Variants in STPG2 observed in about 807,000 individuals in gnomAD.
STPG2 encodes the protein sperm-tail PG-rich repeat-containing protein 2.
Under a neutral mutation model 54.2 loss-of-function variants are expected in STPG2, and 56 were observed. That is an observed-to-expected ratio of 1.03 (90% CI 0.83 to 1.29). The LOEUF (loss-of-function observed/expected upper bound fraction) is 1.29, where lower values mean the gene tolerates loss of function less well. Among genes scored for constraint, STPG2 ranks in the 50% most tolerant of loss-of-function variants. The probability of loss-of-function intolerance (pLI) is 0.00; values close to 1 mark genes in which losing one functional copy is unlikely to be tolerated. For missense variants in STPG2, 596 were observed against 544.9 expected (o/e 1.09, Z -0.93); for synonymous variants, 200 against 181.8 (o/e 1.10, Z -0.81).
intron 4 of STPG2, among the ~76,000 whole-genome samples, chr4:97,534,533 T>A (rs912191957): frequency 6.6e-6 from 1 of 151,518 alleles, no homozygotes; most frequent in East Asian, 1.9e-4. Flanking sequence ...TTGAAAAGAC[T>A]TTTTTTTTCC....
intron 9 of STPG2, among the ~76,000 whole-genome samples, chr4:97,819,166 C>T (rs1728008068): frequency 6.6e-6 from 1 of 151,664 alleles, no homozygotes; most frequent in Admixed American, 6.6e-5. Context: ...ATTTTATCAC[C>T]TCAGAAGCAT....
At chr4:97,577,222 T>C (rs1415156063) in intron 10 of STPG2, among the ~76,000 whole-genome samples, 1 of 152,192 alleles carries the variant, frequency 6.6e-6, no homozygotes. Flanking sequence ...CCATTCAACC[T>C]AGCAGTCCCA....
At position 98,105,985 on chromosome 4, in the gene STPG2, A is replaced by G; in HGVS notation, c.580T>C (p.Tyr194His). The change falls in exon 5 of 11, where the codon TAT becomes CAT. Residue 194 changes from tyrosine to histidine, a missense_variant. Physicochemically the swap from Tyr to His is moderately conservative, Grantham distance 83. Transcript: ENST00000295268. ...QNYCSFIPRL[Y>H]EIIVLQEKKK... The stretch of plus-strand genomic sequence containing the variant: ...TTCTCCTGCAATACTATTATTTCAT[A>G]TAGTCGTGGGATAAATGAACAATAA... The G allele has an allele frequency of 1.3e-6, 2 of 1,567,974 alleles. No individual in the cohort carries two copies. The highest frequency in any genetic ancestry group is 1.1e-5 in the South Asian group (1 of 89,594).
chr4:97,704,985 G>T (rs1294088027), intron 10 of STPG2, among the ~76,000 whole-genome samples: 2 of 151,674 alleles, frequency 1.3e-5, no homozygotes, highest in African/African-American at 2.4e-5. Context: ...TAAAACACTG[G>T]GTGTTGCTTG....
intron 8 of STPG2, among the ~76,000 whole-genome samples, chr4:97,934,391 T>C (rs995064862): frequency 2.0e-5 from 3 of 152,170 alleles, no homozygotes; most frequent in Admixed American, 6.5e-5. Context: ...GAACTTCAAA[T>C]ACTATGTTGA....
chr4:97,727,248 T>C lies in STPG2; in HGVS notation c.1205-14434A>G, dbSNP rs193270993. 2.0e-3 allele frequency among the ~76,000 whole-genome samples: 300 copies of C among 152,064 alleles called. 1 individual carries two copies. The highest frequency in any genetic ancestry group is 6.9e-3 in the African/African-American group (287 of 41,576). On this transcript the variant is annotated intron_variant, in intron 9 of 10. Transcript: ENST00000295268. ...TTTATAAATTAATAATGTGTCTATC[T>C]CATGATTCCATATTAGTTTTATATT...
intron 7 of STPG2, among the ~76,000 whole-genome samples, chr4:97,962,585 T>C (rs1733929223): frequency 6.6e-6 from 1 of 152,194 alleles, no homozygotes; most frequent in South Asian, 2.1e-4. Flanking sequence ...TGAGTCTTAG[T>C]TACACCTGTA....
intron 6 of STPG2, among the ~76,000 whole-genome samples, chr4:97,978,507 C>T (rs1734567784): frequency 6.6e-6 from 1 of 151,968 alleles, no homozygotes; most frequent in South Asian, 2.1e-4. Context: ...TGGGGCCTAC[C>T]AGTGGTGGAG....
At chr4:97,927,824 T>C (rs1208333693) in intron 8 of STPG2, among the ~76,000 whole-genome samples, 2 of 152,118 alleles carry the variant, frequency 1.3e-5, no homozygotes, top group Non-Finnish European at 2.9e-5. Flanking sequence ...TGAGTTAATA[T>C]GCATTTGGAA....
In STPG2 at chr4:98,032,580, G is replaced by A. The variant is rs553729381; in HGVS notation, c.613-51262C>T. Among the ~76,000 whole-genome samples, 28 of 152,144 alleles carry A rather than the reference G, an allele frequency of 1.8e-4. No individual in the cohort carries two copies. In the South Asian group the frequency reaches 3.3e-3, roughly 18 times the overall value. ...ATATCCAGGACTTAAACTCACTTCC[G>A]GACCAAGCAGACCTAATGGACATCT... On this transcript the variant is annotated intron_variant, in intron 5 of 10. Transcript: ENST00000295268.
chr4:97,705,155 C>T (rs1723899963), intron 10 of STPG2, among the ~76,000 whole-genome samples: 1 of 151,990 alleles, frequency 6.6e-6, no homozygotes, highest in Non-Finnish European at 1.5e-5. Context: ...GTAATACTAA[C>T]AATAAGCTTG....
intron 7 of STPG2, among the ~76,000 whole-genome samples, chr4:97,960,315 T>G (rs1733838028): frequency 6.6e-6 from 1 of 152,136 alleles, no homozygotes; most frequent in Non-Finnish European, 1.5e-5. Flanking sequence ...CTCTCACCAC[T>G]TCTATTCAAC....
Position 98,111,437 on chromosome 4 carries a change from C to T in STPG2, c.388-2132G>A, listed in dbSNP as rs185456411. On this transcript the variant is annotated intron_variant, in intron 3 of 10. Transcript: ENST00000295268. ...TAAATTGAAAGCACTTTCCCCTGCC[C>T]CTAGTGACTTTCTAGTTAGAGAGGC... Among the ~76,000 whole-genome samples, 1,155 of 152,184 alleles carry T rather than the reference C, an allele frequency of 7.6e-3. 9 individuals are homozygous for T. Among genetic ancestry groups the T allele is most frequent in the Non-Finnish European group, 0.012 (817 of 67,990 alleles).
rs138283763 is a variant in STPG2 at position 97,473,588 on chromosome 4, C to T, written c.462+239111G>A. Among the ~76,000 whole-genome samples, 1,034 of 152,202 alleles carry T rather than the reference C, an allele frequency of 6.8e-3. 25 individuals carry two copies. Among genetic ancestry groups the T allele is most frequent in the Middle Eastern group, 0.058 (17 of 294 alleles). On this transcript the variant is annotated intron_variant, in intron 4 of 4. Transcript: ENST00000522676. ...TTCATTAACAATTTTAATTTTGCCC[C>T]GGTCCTGTGCTCCTGTGATCTCGCC...
At chr4:97,747,857 C>T (rs559405968) in intron 9 of STPG2, among the ~76,000 whole-genome samples, 3 of 151,428 alleles carry the variant, frequency 2.0e-5, no homozygotes, top group Non-Finnish European at 4.4e-5. Context: ...TTTATTCAGA[C>T]GTTTGAATAT....
chr4:97,739,626 A>T (rs1725150226), intron 9 of STPG2, among the ~76,000 whole-genome samples: 1 of 152,206 alleles, frequency 6.6e-6, no homozygotes, highest in Non-Finnish European at 1.5e-5. Flanking sequence ...GAAATGGATA[A>T]ATTCCTCGAC....
chr4:97,576,280 G>GAA (rs139140769), intron 10 of STPG2, among the ~76,000 whole-genome samples: 2,387 of 123,908 alleles, frequency 0.019, 63 homozygotes, highest in African/African-American at 0.064. Flanking sequence ...TATATGGAAT[G>GAA]AAAAAAAAAA....
At chr4:98,096,364 T>C (rs896279739) in intron 5 of STPG2, among the ~76,000 whole-genome samples, 41 of 151,624 alleles carry the variant, frequency 2.7e-4, no homozygotes, top group African/African-American at 9.9e-4. Context: ...GCCACTACAT[T>C]CCAGCCTGGG....
intron 4 of STPG2, among the ~76,000 whole-genome samples, chr4:97,461,356 G>A (rs1380007641): frequency 6.6e-6 from 1 of 152,148 alleles, no homozygotes; most frequent in Non-Finnish European, 1.5e-5. Context: ...AAAATCATAT[G>A]TTGAAATCCT....
Sources: allele counts gnomAD v4.1 joint callset (sites outside exome capture counted in the v4.1 genomes callset), GRCh38; gene constraint gnomAD v4.1.1; transcripts MANE v1.5; gene names NCBI Gene and HGNC (gene_info 2026-07-23, HGNC 2026-07-21).